The following RBMS3 variants were observed in gnomAD, a reference collection of about 807,000 sequenced individuals.
RBMS3 encodes the protein RNA binding motif single stranded interacting protein 3.
In RBMS3, 27 loss-of-function variants were observed where a neutral mutation model predicts 66.8. That is an observed-to-expected ratio of 0.40 (90% confidence interval 0.30 to 0.56). The LOEUF (loss-of-function observed/expected upper bound fraction) is 0.56. Among genes scored for constraint, RBMS3 ranks in the 20% least tolerant of loss-of-function variants. The pLI, the probability that RBMS3 is intolerant of heterozygous loss-of-function variation, is 0.40. For missense variants in RBMS3, 513 were observed against 549.5 expected (o/e 0.93, Z 0.66); for synonymous variants, 188 against 183.0 (o/e 1.03, Z -0.22).
At chr3:29,316,137 A>G (rs1197524518) in intron 1 of RBMS3, among the ~76,000 whole-genome samples, 1 of 151,728 alleles carries the variant, frequency 6.6e-6, no homozygotes, top group Admixed American at 6.6e-5. Flanking sequence ...TAGTCCAGCC[A>G]TAAACAACTG....
rs372546608 is a variant in RBMS3, at chr3:29,990,104, C to T, written c.1180-978C>T. On this transcript the variant is annotated intron_variant, in intron 13 of 14. Transcript: ENST00000383767. Reference sequence around the variant, plus strand: ...ATAAGGAAAAGCATTAATTCATTCTCTATGTGAAAACACTCATTGAACATT... The same window carrying T: ...ATAAGGAAAAGCATTAATTCATTCTTTATGTGAAAACACTCATTGAACATT... 5.9e-5 allele frequency among the ~76,000 whole-genome samples: 9 copies of T among 152,154 alleles called. No homozygotes were observed. The East Asian group carries it at 1.5e-3, about 26-fold the overall frequency.
chr3:29,301,157 T>TA (rs1455067644), intron 1 of RBMS3, among the ~76,000 whole-genome samples: 1 of 151,912 alleles, frequency 6.6e-6, no homozygotes, highest in Non-Finnish European at 1.5e-5. Context: ...AATCCAATGC[T>TA]AAAAAAGAGA....
At chr3:29,466,615 G>A (rs79350739) in intron 2 of RBMS3, among the ~76,000 whole-genome samples, 146 of 152,200 alleles carry the variant, frequency 9.6e-4, no homozygotes, top group African/African-American at 3.3e-3. Flanking sequence ...ATAGTTGGGA[G>A]ATTAATATCA....
At chr3:29,652,051 C>G (rs947785034) in intron 4 of RBMS3, among the ~76,000 whole-genome samples, 36 of 152,072 alleles carry the variant, frequency 2.4e-4, no homozygotes, top group African/African-American at 8.7e-4. Context: ...TAACTACTGA[C>G]CATAAAATTC....
chr3:29,349,782 G>C (rs2036795545), intron 1 of RBMS3, among the ~76,000 whole-genome samples: 1 of 152,138 alleles, frequency 6.6e-6, no homozygotes, highest in South Asian at 2.1e-4. Flanking sequence ...TGTTGCAAAT[G>C]AGTTAAATTC....
chr3:29,600,402 T>C (rs1191957226), intron 4 of RBMS3, among the ~76,000 whole-genome samples: 1 of 152,048 alleles, frequency 6.6e-6, no homozygotes, highest in Non-Finnish European at 1.5e-5. Context: ...GCCTGCCACT[T>C]TGACCTTCTC....
intron 10 of RBMS3, among the ~76,000 whole-genome samples, chr3:29,929,336 C>T (rs191604324): frequency 2.6e-5 from 4 of 152,212 alleles, no homozygotes; most frequent in African/African-American, 4.8e-5. Context: ...TAGGCACAAA[C>T]GTCTAAAGGA....
chr3:29,376,360 A>T (rs771200636), intron 1 of RBMS3, among the ~76,000 whole-genome samples: 17 of 152,218 alleles, frequency 1.1e-4, no homozygotes, highest in Non-Finnish European at 1.8e-4. Context: ...AAAGTTGGAA[A>T]TAAAAAAATA....
At chr3:29,868,472 C>T (rs1417327845) in intron 6 of RBMS3, among the ~76,000 whole-genome samples, 1 of 152,108 alleles carries the variant, frequency 6.6e-6, no homozygotes, top group Non-Finnish European at 1.5e-5. Flanking sequence ...AAAATTGAAT[C>T]CTTCAGTTTC....
At chr3:29,384,661 G>A (rs2038928627) in intron 1 of RBMS3, among the ~76,000 whole-genome samples, 1 of 152,170 alleles carries the variant, frequency 6.6e-6, no homozygotes, top group Admixed American at 6.5e-5. Context: ...AATATAGCAA[G>A]TGTGACTCAA....
chr3:29,863,315 T>G (rs1171641558), intron 6 of RBMS3, among the ~76,000 whole-genome samples: 1 of 151,878 alleles, frequency 6.6e-6, no homozygotes, highest in Non-Finnish European at 1.5e-5. Flanking sequence ...CATGTATACA[T>G]ATGTATACAT....
chr3:29,616,597 T>G (rs2048682888), intron 4 of RBMS3: 1 of 152,358 alleles, frequency 6.6e-6, no homozygotes, highest in South Asian at 2.1e-4. Flanking sequence ...AAATGATTCC[T>G]TGTGCTTCTT....
chr3:29,331,542 T>C (rs975738769), intron 1 of RBMS3, among the ~76,000 whole-genome samples: 1 of 152,094 alleles, frequency 6.6e-6, no homozygotes, highest in African/African-American at 2.4e-5. Context: ...CTTTAATAAA[T>C]TTTACCCACA....
intron 1 of RBMS3, among the ~76,000 whole-genome samples, chr3:29,284,696 C>G (rs951702921): frequency 6.6e-6 from 1 of 151,718 alleles, no homozygotes. Flanking sequence ...TTTTCAAATC[C>G]TTAAAATGTT....
chr3:29,676,563 A>G (rs999941697), intron 4 of RBMS3, among the ~76,000 whole-genome samples: 1 of 152,210 alleles, frequency 6.6e-6, no homozygotes, highest in African/African-American at 2.4e-5. Flanking sequence ...AACAACCATC[A>G]TAACCAAAAT....
At chr3:29,785,772 G>A (rs1027527706) in intron 6 of RBMS3, among the ~76,000 whole-genome samples, 6 of 151,986 alleles carry the variant, frequency 3.9e-5, no homozygotes, top group Non-Finnish European at 8.8e-5. Context: ...ATTCCCCTGA[G>A]AACTGGAACA....
intron 2 of RBMS3, among the ~76,000 whole-genome samples, chr3:29,470,409 G>A (rs968015234): frequency 1.3e-5 from 2 of 151,996 alleles, no homozygotes; most frequent in African/African-American, 4.8e-5. Context: ...TTCTTTCATT[G>A]TATCAACAAC....
intron 4 of RBMS3, among the ~76,000 whole-genome samples, chr3:29,669,562 G>A (rs139746078): frequency 5.3e-4 from 81 of 152,226 alleles, no homozygotes; most frequent in Middle Eastern, 3.4e-3. Context: ...CTTAAGATCC[G>A]CAAAATGAAG....
intron 4 of RBMS3, among the ~76,000 whole-genome samples, chr3:29,639,290 A>G (rs1357625320): frequency 6.6e-6 from 1 of 151,898 alleles, no homozygotes; most frequent in Non-Finnish European, 1.5e-5. Flanking sequence ...CATATACAGG[A>G]AGGATAATTT....
Sources: allele counts gnomAD v4.1 joint callset (sites outside exome capture counted in the v4.1 genomes callset), GRCh38; gene constraint gnomAD v4.1.1; transcripts MANE v1.5; gene names NCBI Gene and HGNC (gene_info 2026-07-23, HGNC 2026-07-21).